The following SCLT1 variants were observed in gnomAD, a reference collection of about 807,000 sequenced individuals.
SCLT1 encodes sodium channel-associated protein 1.
SCLT1 carries 78 observed loss-of-function variants against 112.8 expected under a neutral mutation model. The ratio of observed to expected loss-of-function variants is 0.69; its 90% CI spans 0.58 to 0.83. The LOEUF (loss-of-function observed/expected upper bound fraction) is 0.83. SCLT1 is among the 40% of genes least tolerant of loss of function. The pLI, the probability that SCLT1 is intolerant of heterozygous loss-of-function variation, is 0.00. For missense variants in SCLT1, 747 were observed against 770.4 expected, an observed-to-expected ratio of 0.97 and a Z score of 0.36; for synonymous variants, 257 against 254.7, an observed-to-expected ratio of 1.01 and a Z score of -0.09.
At chr4:128,989,589 C>T (rs1401267651) in intron 9 of SCLT1, among the ~76,000 whole-genome samples, 2 of 151,438 alleles carry the variant, frequency 1.3e-5, no homozygotes, top group Non-Finnish European at 3.0e-5. Flanking sequence ...GAAAACCAAA[C>T]TCAACATTAG....
Position 128,985,502 on chromosome 4 carries a change from C to T in SCLT1, c.686+6665G>A, listed in dbSNP as rs988046468. Among the ~76,000 whole-genome samples, 7 of 152,014 alleles carry T rather than the reference C, an allele frequency of 4.6e-5. No homozygotes were observed. In the East Asian group the frequency reaches 9.7e-4, roughly 21 times the overall value. On this transcript the variant is annotated intron_variant, in intron 9 of 20. Transcript: ENST00000281142. ...TAACTTTTGAAATGCTTATTCATAT[C>T]GTTTGCCTAATTTTCGATGAGTTAA...
At chr4:128,891,952 G>A (rs1419305981) in intron 18 of SCLT1, among the ~76,000 whole-genome samples, 1 of 152,004 alleles carries the variant, frequency 6.6e-6, no homozygotes, top group African/African-American at 2.4e-5. Context: ...GCCTTAGTAT[G>A]CATTTGTAAG....
chr4:128,940,115 G>T (rs543016545), intron 17 of SCLT1, among the ~76,000 whole-genome samples: 2 of 151,606 alleles, frequency 1.3e-5, no homozygotes, highest in African/African-American at 4.9e-5. Context: ...TGTTAAAGAC[G>T]GATCTAGTGG....
intron 2 of SCLT1, among the ~76,000 whole-genome samples, chr4:129,047,362 T>C (rs1748277496): frequency 6.6e-6 from 1 of 151,848 alleles, no homozygotes; most frequent in South Asian, 2.1e-4. Flanking sequence ...ATTTCCAAAC[T>C]TTATTCTGTT....
At chr4:128,953,681 C>T (rs1738962547) in intron 13 of SCLT1, among the ~76,000 whole-genome samples, 1 of 151,532 alleles carries the variant, frequency 6.6e-6, no homozygotes, top group East Asian at 1.9e-4. Flanking sequence ...CACCTGTAGT[C>T]CCAGCTACTC....
chr4:129,039,002 A>T, intron 5 of SCLT1, 39 bp downstream of exon 5: 2 of 1,199,864 alleles, frequency 1.7e-6, no homozygotes. Flanking sequence ...GTTACCTAAG[A>T]CAATAATAAA....
chr4:129,023,427 G>A (rs1187353454), intron 5 of SCLT1, among the ~76,000 whole-genome samples: 1 of 152,114 alleles, frequency 6.6e-6, no homozygotes, highest in Admixed American at 6.5e-5. Context: ...ACACACATAG[G>A]CTCAAAATAA....
chr4:128,919,235 A>T (rs1735698263), intron 18 of SCLT1, among the ~76,000 whole-genome samples: 1 of 152,184 alleles, frequency 6.6e-6, no homozygotes, highest in South Asian at 2.1e-4. Flanking sequence ...CTTGGACCAC[A>T]GTGCAATAAA....
intron 5 of SCLT1, among the ~76,000 whole-genome samples, chr4:129,022,479 C>T (rs1236836621): frequency 6.6e-6 from 1 of 152,132 alleles, no homozygotes; most frequent in African/African-American, 2.4e-5. Flanking sequence ...AAAAACACAG[C>T]ACGAGAACTT....
At chr4:128,940,649 T>C (rs1737612482) in intron 17 of SCLT1, among the ~76,000 whole-genome samples, 1 of 151,968 alleles carries the variant, frequency 6.6e-6, no homozygotes, top group Admixed American at 6.6e-5. Context: ...TAATCCTTTA[T>C]ACACTATAGT....
At chr4:128,896,096 G>T (rs1733731308) in intron 18 of SCLT1, among the ~76,000 whole-genome samples, 1 of 86,544 alleles carries the variant, frequency 1.2e-5, no homozygotes, top group African/African-American at 5.5e-5. Flanking sequence ...GCCTCTGTAG[G>T]CTCCACCTCT....
At chr4:128,944,779 C>T (rs1171370014) in intron 16 of SCLT1, 1 of 152,110 alleles carries the variant, frequency 6.6e-6, no homozygotes, top group Non-Finnish European at 1.5e-5. Flanking sequence ...TTCATTAATT[C>T]CTCCTGTCTT....
intron 5 of SCLT1, among the ~76,000 whole-genome samples, chr4:129,024,274 A>G (rs1745795584): frequency 6.6e-6 from 1 of 152,166 alleles, no homozygotes; most frequent in Admixed American, 6.5e-5. Context: ...CTGACCCCTG[A>G]GCAGCCTAAC....
chr4:128,919,971 G>A (rs968615482), intron 18 of SCLT1, among the ~76,000 whole-genome samples: 4 of 152,042 alleles, frequency 2.6e-5, no homozygotes, highest in Non-Finnish European at 4.4e-5. Context: ...CCAGATGTAA[G>A]AGAAGAGCTG....
rs529629424 is a variant in SCLT1 at position 128,896,743 on chromosome 4, T to A, written c.1830-5606A>T. The stretch of plus-strand genomic sequence containing the variant: ...ACTACTCCCAGCTAAAGTAGGAAGT[T>A]TGAACCCATGGCAAAGAAGTTAAAA... On this transcript the variant is annotated intron_variant, in intron 18 of 20. Coordinates refer to ENST00000281142, the MANE Select transcript of SCLT1 (RefSeq NM_144643.4). Among the ~76,000 whole-genome samples the A allele has an allele frequency of 1.5e-4, 23 of 152,216 alleles. No homozygotes were observed. In the South Asian group the frequency reaches 4.6e-3, roughly 30 times the overall value.
chr4:128,940,818 A>G (rs4423892), intron 17 of SCLT1, among the ~76,000 whole-genome samples: 37,854 of 151,710 alleles, frequency 0.25, 5,435 homozygotes, highest in East Asian at 0.32. Context: ...CTAGATATTT[A>G]GGTTGTTTCT....
intron 9 of SCLT1, among the ~76,000 whole-genome samples, chr4:128,990,270 T>C (rs924335794): frequency 3.3e-5 from 5 of 152,004 alleles, no homozygotes; most frequent in Non-Finnish European, 4.4e-5. Flanking sequence ...GTGGGATTCA[T>C]CCCAGGGATG....
intron 5 of SCLT1, among the ~76,000 whole-genome samples, chr4:129,026,576 T>A (rs1352501389): frequency 6.6e-6 from 1 of 151,802 alleles, no homozygotes; most frequent in Non-Finnish European, 1.5e-5. Flanking sequence ...TTTACAGCAC[T>A]AAATGCCCAC....
intron 2 of SCLT1, among the ~76,000 whole-genome samples, chr4:129,074,573 C>T (rs527802651): frequency 6.6e-6 from 1 of 152,158 alleles, no homozygotes; most frequent in African/African-American, 2.4e-5. Flanking sequence ...GCCTAAAAAA[C>T]ATTTACAAAT....
Sources: gnomAD v4.1 joint callset for allele counts (sites outside exome capture counted in the v4.1 genomes callset) on GRCh38, gnomAD v4.1.1 for gene constraint, MANE v1.5 for transcripts, NCBI Gene and HGNC (gene_info 2026-07-23, HGNC 2026-07-21) for gene names.